The following COLQ variants were observed in gnomAD, a reference collection of about 807,000 sequenced individuals.
The protein encoded by COLQ is acetylcholinesterase collagenic tail peptide.
Under a neutral mutation model 69.0 loss-of-function variants are expected in COLQ, and 48 were observed. The observed-to-expected ratio is 0.70, with a 90% CI of 0.55 to 0.88. The LOEUF is 0.88. Among genes scored for constraint, COLQ ranks in the 40% least tolerant of loss-of-function variants. The pLI is 0.00. For missense variants in COLQ, 618 were observed against 594.6 expected, an observed-to-expected ratio of 1.04 and a Z score of -0.41; for synonymous variants, 217 against 211.2, an observed-to-expected ratio of 1.03 and a Z score of -0.24.
chr3:15,492,939 G>A (rs2125145540), intron 1 of COLQ, among the ~76,000 whole-genome samples: 1 of 152,240 alleles, frequency 6.6e-6, no homozygotes, highest in Middle Eastern at 3.4e-3. Context: ...GCTTAGCTTG[G>A]TCACAAAAAG....
At position 15,450,633 on chromosome 3, in the gene COLQ, A is replaced by G. The variant is rs2061927903; in HGVS notation, c.*1011T>C. The G allele has an allele frequency of 6.5e-6, 1 of 153,570 alleles. No individual in the cohort carries two copies. Among genetic ancestry groups the G allele is most frequent in the Admixed American group, 6.5e-5 (1 of 15,286 alleles). 9.5% of individuals were successfully genotyped at this position (153,570 alleles called of 1,614,324 possible). On this transcript the variant is annotated 3_prime_UTR_variant, in exon 17 of 17. Coordinates refer to ENST00000383788, the MANE Select transcript of COLQ (RefSeq NM_005677.4). ...CAAGGCTATGCAATATGCAGACATG[A>G]AAGAAATGCCACGGGACGCTGTCAG...
rs2125077525 is a variant in COLQ, at chr3:15,451,704, T to C, written c.1308A>G (p.Gly436=). The change falls in exon 17 of 17, where the codon GGA becomes GGG. Residue 436 remains glycine (G), a synonymous_variant. Coordinates refer to ENST00000383788, the MANE Select transcript of COLQ (RefSeq NM_005677.4). ...TCETYLPGSY[G]DLQCTQYCYI... is the part of the protein sequence containing the mutation. The stretch of plus-strand genomic sequence containing the variant: ...AGCAGTACTGGGTGCATTGCAGGTC[T>C]CCATATGACCTGAGGGAGGCAAAGA... The C allele has an allele frequency of 1.2e-6, 2 of 1,613,936 alleles. No homozygotes were observed. The highest frequency in any genetic ancestry group is 4.5e-5 in the East Asian group (2 of 44,878).
At chr3:15,490,232 C>G (rs1201070411) in intron 1 of COLQ, among the ~76,000 whole-genome samples, 1 of 152,166 alleles carries the variant, frequency 6.6e-6, no homozygotes, top group Non-Finnish European at 1.5e-5. Flanking sequence ...GGCCCTGAAC[C>G]TTTGTAGCTT....
chr3:15,473,859 C>T lies in COLQ; in HGVS notation c.636+141G>A, dbSNP rs1480376300. On this transcript the variant is annotated intron_variant, in intron 10 of 16. Coordinates refer to ENST00000383788, the MANE Select transcript of COLQ (RefSeq NM_005677.4). This position sits in a 1 kb window ranked among gnomAD's most constrained non-coding sequence, Gnocchi z 4.0. The stretch of plus-strand genomic sequence containing the variant: ...TCTCCCCAGGGTGAAAAGCAACTTG[C>T]TTCCCGTCCCAAAATAGAAGTTTCC... The T allele has an allele frequency of 1.1e-6, 1 of 944,880 alleles. No individual in the cohort carries two copies. Among genetic ancestry groups the T allele is most frequent in the Non-Finnish European group, 1.7e-6 (1 of 597,538 alleles). The allele number at this position is 944,880 out of a possible 1,614,324, so 58.5% of individuals were successfully genotyped here. A position where few individuals can be genotyped will look rare whatever the true frequency, so the allele number is the denominator to read the frequency against.
intron 16 of COLQ, 74 bp from the exon 17 acceptor site, chr3:15,451,787 C>G: frequency 5.1e-6 from 7 of 1,366,596 alleles, no homozygotes; most frequent in Non-Finnish European, 7.3e-6. Flanking sequence ...CCTTATCAAA[C>G]AGCGGCCAAG....
At chr3:15,501,798 C>T (rs993757074) in intron 1 of COLQ, among the ~76,000 whole-genome samples, 4 of 152,216 alleles carry the variant, frequency 2.6e-5, no homozygotes, top group African/African-American at 7.2e-5. Context: ...CAGCCAAAAT[C>T]CCCCTATCAT....
At position 15,458,407 on chromosome 3, in the gene COLQ, A is replaced by T. The variant is rs776803622; in HGVS notation, c.815-82T>A. ...CAGGGAGATGTGAGCGACCTTTGCAACAGAAAAAAGGTTAAAGTCCACAGC... is the reference window on the plus strand; with the variant it reads ...CAGGGAGATGTGAGCGACCTTTGCATCAGAAAAAAGGTTAAAGTCCACAGC... On this transcript the variant is annotated intron_variant, in intron 12 of 16. Coordinates refer to ENST00000383788, the MANE Select transcript of COLQ (RefSeq NM_005677.4). The T allele has an allele frequency of 3.9e-6, 6 of 1,526,746 alleles. No individual in the cohort carries two copies. In the Admixed American group the frequency reaches 8.4e-5, roughly 21 times the overall value. The allele number at this position is 1,526,746 out of a possible 1,614,324, so 94.6% of individuals were successfully genotyped here.
At chr3:15,509,995 A>G (rs1451093764) in intron 1 of COLQ, among the ~76,000 whole-genome samples, 3 of 151,788 alleles carry the variant, frequency 2.0e-5, no homozygotes, top group African/African-American at 7.3e-5. Flanking sequence ...ACATGGTGAA[A>G]CCCCGTCTCT....
At chr3:15,505,108 G>T (rs913443344) in intron 1 of COLQ, among the ~76,000 whole-genome samples, 1 of 152,216 alleles carries the variant, frequency 6.6e-6, no homozygotes, top group African/African-American at 2.4e-5. Flanking sequence ...ACAAGGATTA[G>T]GGTTGGGAGT....
At chr3:15,498,620 G>A (rs1266001215) in intron 1 of COLQ, 1 of 1,551,476 alleles carries the variant, frequency 6.4e-7, no homozygotes, top group Non-Finnish European at 8.7e-7. Flanking sequence ...ACTGGCCAGG[G>A]AACACTAGCC....
Position 15,460,623 on chromosome 3 carries a change from A to G in COLQ, c.815-2298T>C, listed in dbSNP as rs7628975. ...GGAGGAGACTGAACTTTCCTGAGCGAGTTGACAGGTATTCGTACAATCAGA... is the reference window on the plus strand; with the variant it reads ...GGAGGAGACTGAACTTTCCTGAGCGGGTTGACAGGTATTCGTACAATCAGA... On this transcript the variant is annotated intron_variant, in intron 12 of 16. Transcript: ENST00000383788. Among the ~76,000 whole-genome samples the G allele has an allele frequency of 0.49, 74,533 of 151,958 alleles. 18,758 individuals carry two copies. Among genetic ancestry groups the G allele is most frequent in the East Asian group, 0.62 (3,209 of 5,178 alleles).
intron 1 of COLQ, among the ~76,000 whole-genome samples, chr3:15,514,214 CA>C (rs1169168691): frequency 6.6e-6 from 1 of 152,120 alleles, no homozygotes; most frequent in Non-Finnish European, 1.5e-5. Context: ...TGTTTTAAGC[CA>C]CTAAGTTTAT....
intron 13 of COLQ, 87 bp from the exon 14 acceptor site, chr3:15,456,666 C>T (rs2062030461): frequency 1.3e-6 from 2 of 1,570,862 alleles, no homozygotes; most frequent in Non-Finnish European, 1.7e-6. Flanking sequence ...GAATCTCTAT[C>T]CTTGGGCTGC....
At chr3:15,514,868 T>A (rs916227588) in intron 1 of COLQ, among the ~76,000 whole-genome samples, 2 of 152,264 alleles carry the variant, frequency 1.3e-5, no homozygotes, top group Non-Finnish European at 2.9e-5. Context: ...CAGCAGCTTG[T>A]CCTGCTTTTC....
chr3:15,513,065 T>C (rs143063506), intron 1 of COLQ, among the ~76,000 whole-genome samples: 1 of 152,352 alleles, frequency 6.6e-6, no homozygotes, highest in Non-Finnish European at 1.5e-5. Context: ...ATAGGGGTAC[T>C]AATGGCTACC....
chr3:15,492,572 T>A (rs1200963008), intron 1 of COLQ, among the ~76,000 whole-genome samples: 1 of 150,658 alleles, frequency 6.6e-6, no homozygotes, highest in African/African-American at 2.4e-5. Flanking sequence ...GAGGCTGAGG[T>A]GGGAGAATGG....
chr3:15,474,297 T>A, intron 8 of COLQ, 25 bp from the exon 9 acceptor site: 1 of 1,612,060 alleles, frequency 6.2e-7, no homozygotes, highest in Non-Finnish European at 8.5e-7. Context: ...TAGGAGAAAG[T>A]CAATGAGTTA....
chr3:15,451,857 G>A, intron 16 of COLQ, 144 bp from the exon 17 acceptor site: 2 of 745,958 alleles, frequency 2.7e-6, no homozygotes, highest in Non-Finnish European at 4.7e-6. Context: ...GCCTGGGGGA[G>A]TTGAATCATG....
intron 12 of COLQ, among the ~76,000 whole-genome samples, chr3:15,464,805 G>T (rs2062172342): frequency 6.6e-6 from 1 of 152,188 alleles, no homozygotes; most frequent in African/African-American, 2.4e-5. Context: ...TACAGTTGAT[G>T]TGCTGTGAAA....
Sources: gnomAD v4.1 joint callset for allele counts (sites outside exome capture counted in the v4.1 genomes callset) on GRCh38, gnomAD v4.1.1 for gene constraint, Gnocchi (gnomAD v3.1) non-coding constraint, MANE v1.5 for transcripts, NCBI Gene and HGNC (gene_info 2026-07-23, HGNC 2026-07-21) for gene names.